ATP6V0D1: variants seen among roughly 807,000 people sequenced by gnomAD.
ATP6V0D1 encodes the protein ATPase H+ transporting V0 subunit d1.
ATP6V0D1 carries 13 observed loss-of-function variants against 39.0 expected under a neutral mutation model. That is an observed-to-expected ratio of 0.33 (90% CI 0.22 to 0.53). ATP6V0D1 has a LOEUF of 0.53. Ranked by LOEUF, ATP6V0D1 falls within the 20% of genes least tolerant of loss-of-function variation. The pLI is 0.94. For missense variants in ATP6V0D1, 272 were observed against 470.9 expected (o/e 0.58, Z 3.91); for synonymous variants, 191 against 191.2 (o/e 1.00, Z 0.01).
At chr16:67,460,257 G>A (rs548162153) in intron 1 of ATP6V0D1, among the ~76,000 whole-genome samples, 6 of 152,198 alleles carry the variant, frequency 3.9e-5, no homozygotes, top group Non-Finnish European at 7.3e-5. Flanking sequence ...GCTCAAAGTA[G>A]GAAAACTCAG....
chr16:67,450,491 G>A (rs903784762), intron 2 of ATP6V0D1, among the ~76,000 whole-genome samples: 10 of 152,112 alleles, frequency 6.6e-5, no homozygotes, highest in African/African-American at 1.4e-4. Context: ...GGCCAGAGAG[G>A]TAGGAGTTAA....
chr16:67,445,681 G>A, intron 2 of ATP6V0D1: 1 of 319,744 alleles, frequency 3.1e-6, no homozygotes, highest in South Asian at 2.5e-5. Flanking sequence ...AGCTCTGTGG[G>A]GTACATGGGC....
chr16:67,444,501 C>A lies in ATP6V0D1; in HGVS notation c.481+27G>T. The A allele has an allele frequency of 6.4e-7, 1 of 1,565,726 alleles. No individual in the cohort carries two copies. Among genetic ancestry groups the A allele is most frequent in the Non-Finnish European group, 8.7e-7 (1 of 1,147,370 alleles). On this transcript the variant is annotated intron_variant, in intron 3 of 7. Transcript: ENST00000290949. The surrounding 1 kb of genome is among the most constrained non-coding windows in gnomAD (Gnocchi z 4.8). Reference sequence around the variant, plus strand: ...GCGCTGATGCTGACACCACTGCCCACCTCCCATGACCACCACAGCGGCTCA... The same window carrying A: ...GCGCTGATGCTGACACCACTGCCCAACTCCCATGACCACCACAGCGGCTCA...
chr16:67,476,011 C>T (rs796856853), intron 1 of ATP6V0D1, among the ~76,000 whole-genome samples: 41 of 152,214 alleles, frequency 2.7e-4, no homozygotes, highest in African/African-American at 8.4e-4. Context: ...GGGTGGATCA[C>T]CTGAGGTCAG....
At chr16:67,463,524 G>A (rs1161886720) in intron 1 of ATP6V0D1, among the ~76,000 whole-genome samples, 1 of 149,088 alleles carries the variant, frequency 6.7e-6, no homozygotes, top group Non-Finnish European at 1.5e-5. Flanking sequence ...ACTCTTTCAT[G>A]AAAGAAACAA....
At chr16:67,450,684 G>C (rs2041169235) in intron 2 of ATP6V0D1, among the ~76,000 whole-genome samples, 1 of 152,156 alleles carries the variant, frequency 6.6e-6, no homozygotes, top group South Asian at 2.1e-4. Context: ...AGAACAGACA[G>C]TGAATGTAAA....
intron 2 of ATP6V0D1, chr16:67,445,846 T>G (rs111511056): frequency 2.6e-4 from 117 of 446,178 alleles, no homozygotes; most frequent in Non-Finnish European, 3.4e-4. Context: ...GTAAGCCCCA[T>G]TCCACAGTTA....
intron 1 of ATP6V0D1, among the ~76,000 whole-genome samples, chr16:67,477,736 G>A (rs902145160): frequency 7.9e-5 from 12 of 151,546 alleles, no homozygotes; most frequent in South Asian, 6.2e-4. Flanking sequence ...ACAGTGGCTC[G>A]ATCTCGGCTC....
intron 1 of ATP6V0D1, among the ~76,000 whole-genome samples, chr16:67,463,708 G>A (rs2041307293): frequency 6.6e-6 from 1 of 152,270 alleles, no homozygotes; most frequent in Non-Finnish European, 1.5e-5. Flanking sequence ...GCAAGAAGAT[G>A]GCAGAAGCAG....
At chr16:67,457,485 G>T in intron 1 of ATP6V0D1, 1 of 966,354 alleles carries the variant, frequency 1.0e-6, no homozygotes, top group Non-Finnish European at 1.4e-6. Context: ...TGAGCTGGCA[G>T]GTGGTGGCAG....
rs914007445 is a variant in ATP6V0D1, at chr16:67,439,701, T to G, written c.562-350A>C. The G allele has an allele frequency of 1.6e-5, 5 of 319,716 alleles. No individual in the cohort carries two copies. The Admixed American group carries it at 2.2e-4, about 14-fold the overall frequency. 19.8% of individuals were successfully genotyped at this position (319,716 alleles called of 1,614,324 possible). On this transcript the variant is annotated intron_variant, in intron 4 of 7. Transcript: ENST00000290949. Reference sequence around the variant, plus strand: ...TCTGCCTTCCTTTTCCCCAAATCTTTCCAAACCTCCCCTTCCTCAGCCTCT... The same window carrying G: ...TCTGCCTTCCTTTTCCCCAAATCTTGCCAAACCTCCCCTTCCTCAGCCTCT...
At chr16:67,473,494 G>C (rs1055380232) in intron 1 of ATP6V0D1, among the ~76,000 whole-genome samples, 1 of 151,738 alleles carries the variant, frequency 6.6e-6, no homozygotes, top group African/African-American at 2.4e-5. Context: ...GGTTACAGGT[G>C]CCCGCCACTA....
intron 2 of ATP6V0D1, among the ~76,000 whole-genome samples, chr16:67,451,273 T>C (rs915539728): frequency 2.0e-5 from 3 of 152,026 alleles, no homozygotes; most frequent in Non-Finnish European, 4.4e-5. Flanking sequence ...GGTGGGACCA[T>C]GAGTCGGGCG....
intron 1 of ATP6V0D1, chr16:67,459,352 A>G (rs2041270781): frequency 1.3e-6 from 1 of 777,110 alleles, no homozygotes; most frequent in Non-Finnish European, 1.6e-6. Flanking sequence ...TGCCTGTGTC[A>G]AGGACCATTG....
intron 1 of ATP6V0D1, chr16:67,457,182 G>A (rs1716718891): frequency 4.5e-6 from 1 of 224,526 alleles, no homozygotes. Context: ...GGGCTGTACG[G>A]TGTACTCATC....
intron 1 of ATP6V0D1, among the ~76,000 whole-genome samples, chr16:67,467,553 GC>G (rs2142328544): frequency 6.6e-6 from 1 of 152,094 alleles, no homozygotes; most frequent in East Asian, 1.9e-4. Flanking sequence ...TATCTATTGA[GC>G]ATCCACTCTG....
chr16:67,466,139 G>T (rs973306178), intron 1 of ATP6V0D1, among the ~76,000 whole-genome samples: 1 of 152,108 alleles, frequency 6.6e-6, no homozygotes, highest in African/African-American at 2.4e-5. Context: ...ACCTCTGAGG[G>T]AGTGGGACTA....
At chr16:67,445,256 G>T (rs552242462) in intron 2 of ATP6V0D1, among the ~76,000 whole-genome samples, 26 of 152,354 alleles carry the variant, frequency 1.7e-4, no homozygotes, top group African/African-American at 5.1e-4. Context: ...CAGCAGGCGG[G>T]GGGCAGAGGC....
At position 67,438,506 on chromosome 16, in the gene ATP6V0D1, T is replaced by C. The variant is rs760987912; in HGVS notation, c.*22A>G. On this transcript the variant is annotated 3_prime_UTR_variant, in exon 8 of 8. Coordinates refer to ENST00000290949, the MANE Select transcript of ATP6V0D1 (RefSeq NM_004691.5). The stretch of plus-strand genomic sequence containing the variant: ...ACACACACACACACAAAGAGTGCAA[T>C]TGAGAGCCTTGGGCCAGGACGCTAG... 1 of 1,612,594 alleles carries C rather than the reference T, an allele frequency of 6.2e-7. No individual in the cohort carries two copies. Among genetic ancestry groups the C allele is most frequent in the African/African-American group, 1.3e-5 (1 of 74,694 alleles).
Sources: allele counts gnomAD v4.1 joint callset (sites outside exome capture counted in the v4.1 genomes callset), GRCh38; gene constraint gnomAD v4.1.1; non-coding constraint Gnocchi (gnomAD v3.1); transcripts MANE v1.5; gene names NCBI Gene and HGNC (gene_info 2026-07-23, HGNC 2026-07-21).